Variants in ANKS1B observed in about 807,000 individuals in gnomAD.
ANKS1B encodes the protein ankyrin repeat and sterile alpha motif domain-containing protein 1B.
ANKS1B carries 36 observed loss-of-function variants against 148.3 expected under a neutral mutation model. That is an observed-to-expected ratio of 0.24 (90% CI 0.19 to 0.32). The LOEUF (loss-of-function observed/expected upper bound fraction) is 0.32, where lower values mean the gene tolerates loss of function less well. Ranked by LOEUF, ANKS1B falls within the 10% of genes least tolerant of loss-of-function variation. The probability of loss-of-function intolerance (pLI) is 1.00; values close to 1 mark genes in which losing one functional copy is unlikely to be tolerated. For missense variants in ANKS1B, 1,157 were observed against 1,542.6 expected (o/e 0.75, Z 4.19); for synonymous variants, 542 against 560.8 (o/e 0.97, Z 0.47).
At chr12:99,307,198 G>T (rs1343047527) in intron 12 of ANKS1B, among the ~76,000 whole-genome samples, 1 of 151,994 alleles carries the variant, frequency 6.6e-6, no homozygotes, top group African/African-American at 2.4e-5. Context: ...GTGATTGTTG[G>T]ATTCTTCAGG....
At chr12:99,534,075 TA>T (rs1433364276) in intron 9 of ANKS1B, among the ~76,000 whole-genome samples, 1 of 152,148 alleles carries the variant, frequency 6.6e-6, no homozygotes, top group African/African-American at 2.4e-5. Flanking sequence ...TAAAGGTAAA[TA>T]ATATAAATCT....
At chr12:99,078,646 G>A (rs1186930949) in intron 16 of ANKS1B, among the ~76,000 whole-genome samples, 1 of 152,060 alleles carries the variant, frequency 6.6e-6, no homozygotes, top group Admixed American at 6.6e-5. Context: ...TGTAGTTTTT[G>A]ACGGATTATT....
intron 1 of ANKS1B, among the ~76,000 whole-genome samples, chr12:99,968,025 C>T (rs2095509010): frequency 6.6e-6 from 1 of 151,958 alleles, no homozygotes; most frequent in African/African-American, 2.4e-5. Flanking sequence ...TATGAGACTT[C>T]TGAGTTTGGG....
intron 15 of ANKS1B, among the ~76,000 whole-genome samples, chr12:99,145,782 A>G (rs1600995907): frequency 6.6e-6 from 1 of 152,174 alleles, no homozygotes; most frequent in East Asian, 1.9e-4. Flanking sequence ...CTGTCCTTTT[A>G]CTGAATTAAG....
intron 12 of ANKS1B, among the ~76,000 whole-genome samples, chr12:99,370,320 A>T (rs1436022082): frequency 6.6e-6 from 1 of 152,178 alleles, no homozygotes. Context: ...ATTGGCAGGG[A>T]TAGCCTGCCT....
intron 11 of ANKS1B, among the ~76,000 whole-genome samples, chr12:99,415,613 C>T (rs2094872940): frequency 6.6e-6 from 1 of 152,186 alleles, no homozygotes; most frequent in South Asian, 2.1e-4. Flanking sequence ...GTGGGCACAT[C>T]TCACAAAATT....
intron 1 of ANKS1B, among the ~76,000 whole-genome samples, chr12:99,943,156 G>T (rs767527846): frequency 2.0e-5 from 3 of 152,188 alleles, no homozygotes; most frequent in Non-Finnish European, 4.4e-5. Flanking sequence ...TGTAAAAAAT[G>T]AAACTCTGAT....
At chr12:98,738,523 G>A (rs544611739) in intron 9 of ANKS1B, among the ~76,000 whole-genome samples, 95 of 152,268 alleles carry the variant, frequency 6.2e-4, no homozygotes, top group African/African-American at 2.3e-3. Context: ...TCCACTCGAG[G>A]CACTGCCCAA....
chr12:99,276,269 T>C (rs952160963), intron 12 of ANKS1B, among the ~76,000 whole-genome samples: 3 of 152,182 alleles, frequency 2.0e-5, no homozygotes, highest in Non-Finnish European at 4.4e-5. Context: ...TATGTCCCCA[T>C]CTCCTCCCGA....
intron 17 of ANKS1B, among the ~76,000 whole-genome samples, chr12:98,847,976 T>C (rs2099491689): frequency 6.6e-6 from 1 of 152,224 alleles, no homozygotes; most frequent in African/African-American, 2.4e-5. Context: ...TTTTAATACA[T>C]GTTTATTTTG....
intron 8 of ANKS1B, among the ~76,000 whole-genome samples, chr12:99,768,033 A>C (rs778843435): frequency 1.3e-5 from 2 of 152,272 alleles, no homozygotes; most frequent in African/African-American, 2.4e-5. Flanking sequence ...GAGACAACAA[A>C]AGCTAAACTG....
intron 19 of ANKS1B, among the ~76,000 whole-genome samples, chr12:98,822,500 GC>G (rs2099205529): frequency 6.6e-6 from 1 of 152,168 alleles, no homozygotes; most frequent in Admixed American, 6.5e-5. Context: ...ATGTCAACAA[GC>G]CCAAGGCACC....
chr12:99,448,169 T>C (rs2095666725), intron 10 of ANKS1B, among the ~76,000 whole-genome samples: 1 of 152,146 alleles, frequency 6.6e-6, no homozygotes, highest in Non-Finnish European at 1.5e-5. Flanking sequence ...GTAGCATTAT[T>C]CAGTAGCCAA....
At chr12:99,509,980 T>C (rs967115551) in intron 9 of ANKS1B, among the ~76,000 whole-genome samples, 4 of 152,040 alleles carry the variant, frequency 2.6e-5, no homozygotes, top group African/African-American at 7.2e-5. Context: ...ACTTTTCCTA[T>C]GCTCTATAAA....
At chr12:98,873,968 C>A (rs1228564827) in intron 17 of ANKS1B, among the ~76,000 whole-genome samples, 1 of 152,076 alleles carries the variant, frequency 6.6e-6, no homozygotes, top group African/African-American at 2.4e-5. Flanking sequence ...GGCCTGTCGG[C>A]AAGTTAGGTG....
chr12:99,561,132 C>T (rs1009963504), intron 9 of ANKS1B, among the ~76,000 whole-genome samples: 3 of 152,104 alleles, frequency 2.0e-5, no homozygotes, highest in Non-Finnish European at 4.4e-5. Context: ...AGGTGTAAGC[C>T]AGTGCGCCCG....
intron 10 of ANKS1B, among the ~76,000 whole-genome samples, chr12:99,494,358 A>C (rs2096582458): frequency 6.6e-6 from 1 of 152,128 alleles, no homozygotes; most frequent in Non-Finnish European, 1.5e-5. Context: ...GGGATCAAGG[A>C]AGTTTTCATT....
intron 1 of ANKS1B, among the ~76,000 whole-genome samples, chr12:99,844,139 A>T (rs2086224894): frequency 6.6e-6 from 1 of 151,728 alleles, no homozygotes; most frequent in Admixed American, 6.6e-5. Context: ...TAGATGCTGG[A>T]TATTAGGTGT....
intron 13 of ANKS1B, among the ~76,000 whole-genome samples, chr12:99,245,567 A>T (rs558292340): frequency 6.6e-6 from 1 of 152,332 alleles, no homozygotes; most frequent in East Asian, 1.9e-4. Context: ...TCACTATCAG[A>T]CCATATCCAT....
Sources: allele counts gnomAD v4.1 joint callset (sites outside exome capture counted in the v4.1 genomes callset), GRCh38; gene constraint gnomAD v4.1.1; transcripts MANE v1.5; gene names NCBI Gene and HGNC (gene_info 2026-07-23, HGNC 2026-07-21).